The following NIPAL2 variants were observed in gnomAD, a reference collection of about 807,000 sequenced individuals.
NIPAL2 encodes NIPA-like protein 2.
NIPAL2 carries 43 observed loss-of-function variants against 48.9 expected under a neutral mutation model. The ratio of observed to expected loss-of-function variants is 0.88; its 90% CI spans 0.69 to 1.13. NIPAL2 has a LOEUF of 1.13. Ranked by LOEUF, NIPAL2 falls within the 50% of genes most tolerant of loss-of-function variation. NIPAL2 has a pLI of 0.00. For missense variants in NIPAL2, 446 were observed against 461.4 expected (o/e 0.97, Z 0.31); for synonymous variants, 167 against 174.6 (o/e 0.96, Z 0.34).
intron 2 of NIPAL2, 118 bp downstream of exon 2, chr8:98,253,900 AT>A: frequency 3.4e-6 from 2 of 591,918 alleles, no homozygotes; most frequent in Non-Finnish European, 5.9e-6. Flanking sequence ...TAAAATATAT[AT>A]TTTTTATAAT....
intron 4 of NIPAL2, among the ~76,000 whole-genome samples, chr8:98,229,957 T>C (rs775666264): frequency 2.0e-5 from 3 of 152,318 alleles, no homozygotes; most frequent in Non-Finnish European, 2.9e-5. Context: ...ATAATATGAA[T>C]ACTATATAAT....
intron 3 of NIPAL2, among the ~76,000 whole-genome samples, chr8:98,249,632 A>T (rs1258348028): frequency 6.8e-6 from 1 of 147,762 alleles, no homozygotes; most frequent in East Asian, 1.9e-4. Context: ...AACATAATAC[A>T]ATTTAATATA....
chr8:98,203,347 T>C, intron 7 of NIPAL2, 151 bp from the exon 8 acceptor site: 1 of 644,882 alleles, frequency 1.6e-6, no homozygotes, highest in Admixed American at 2.5e-5. Context: ...AGTCATAGCT[T>C]ATATGCATCT....
At chr8:98,208,394 T>C (rs1811142961) in intron 6 of NIPAL2, among the ~76,000 whole-genome samples, 1 of 152,124 alleles carries the variant, frequency 6.6e-6, no homozygotes, top group Admixed American at 6.6e-5. Flanking sequence ...AAGCATTCCA[T>C]GGATAGAGAA....
intron 4 of NIPAL2, among the ~76,000 whole-genome samples, chr8:98,229,568 G>T (rs1406069514): frequency 6.6e-6 from 1 of 152,058 alleles, no homozygotes; most frequent in Non-Finnish European, 1.5e-5. Flanking sequence ...TGCAGAGATA[G>T]GGTCTGGCCA....
chr8:98,212,474 G>A lies in NIPAL2; in HGVS notation c.586C>T (p.Leu196Phe). 7.2e-6 allele frequency: 11 copies of A among 1,529,454 alleles called. No individual in the cohort carries two copies. Among genetic ancestry groups the A allele is most frequent in the Non-Finnish European group, 9.1e-6 (10 of 1,104,068 alleles). The allele number at this position is 1,529,454 out of a possible 1,614,324, so 94.7% of individuals were successfully genotyped here. The change falls in exon 6 of 11, where the codon CTC becomes TTC. Residue 196 changes from leucine to phenylalanine, a missense_variant. Transcript: ENST00000430223. ...CCTTTTCTTTTATAGAAATACAGGA[G>A]AATGCAGAAAATTAATATTTCTAAA... is the stretch of plus-strand genomic sequence containing the variant. ...VILEILIFCI[L>F]LYFYKRKGMK...
intron 1 of NIPAL2, among the ~76,000 whole-genome samples, chr8:98,268,673 G>C (rs917927027): frequency 5.3e-5 from 8 of 150,812 alleles, no homozygotes; most frequent in Admixed American, 5.3e-4. Context: ...AATAAAGTAG[G>C]AATGAGCAAA....
chr8:98,252,828 A>G (rs1329743570), intron 2 of NIPAL2, among the ~76,000 whole-genome samples, 194 bp from the exon 3 acceptor site: 1 of 152,148 alleles, frequency 6.6e-6, no homozygotes, highest in Non-Finnish European at 1.5e-5. Flanking sequence ...GATTTGTATA[A>G]ACAAATATAG....
chr8:98,252,689 C>T, intron 2 of NIPAL2, 55 bp from the exon 3 acceptor site: 1 of 1,468,694 alleles, frequency 6.8e-7, no homozygotes, highest in South Asian at 1.4e-5. Context: ...GAGGGGAATG[C>T]CACTTTTTTT....
chr8:98,232,765 A>G (rs915922068), intron 4 of NIPAL2, among the ~76,000 whole-genome samples: 3 of 152,292 alleles, frequency 2.0e-5, no homozygotes, highest in South Asian at 4.1e-4. Flanking sequence ...TACTATAGCT[A>G]TACCAGATTG....
At position 98,280,736 on chromosome 8, in the gene NIPAL2, C is replaced by CTA. The variant is rs71572005; in HGVS notation, c.135+13265_135+13266dup. Among the ~76,000 whole-genome samples, 339 of 39,010 alleles carry CTA rather than the reference C, an allele frequency of 8.7e-3. 8 individuals carry two copies. The highest frequency in any genetic ancestry group is 0.032 in the Middle Eastern group (2 of 62). The allele number at this position is 39,010 out of a possible 152,430, so 25.6% of individuals were successfully genotyped here. On this transcript the variant is annotated intron_variant, in intron 1 of 10. Coordinates refer to ENST00000430223, the MANE Select transcript of NIPAL2 (RefSeq NM_001321635.2). ...CCTCTGACTTTCAAATAGTCCATTACTATATATATATATATATATATATAT... is the reference window on the plus strand; with the variant it reads ...CCTCTGACTTTCAAATAGTCCATTACTATATATATATATATATATATATATAT...
At chr8:98,266,183 G>A (rs901378905) in intron 1 of NIPAL2, among the ~76,000 whole-genome samples, 2 of 149,782 alleles carry the variant, frequency 1.3e-5, no homozygotes, top group African/African-American at 4.9e-5. Flanking sequence ...CCTAATGCTA[G>A]ATGGCAACTT....
intron 3 of NIPAL2, among the ~76,000 whole-genome samples, chr8:98,247,500 G>A (rs917461282): frequency 1.3e-5 from 2 of 152,206 alleles, no homozygotes; most frequent in Non-Finnish European, 2.9e-5. Flanking sequence ...AATGCAGAGA[G>A]TCTCCACATC....
chr8:98,195,786 A>G (rs1810514287), intron 9 of NIPAL2, 156 bp downstream of exon 9: 2 of 546,708 alleles, frequency 3.7e-6, no homozygotes, highest in Admixed American at 7.4e-5. Context: ...AGCCCTGTTT[A>G]GGGCCTTAAG....
intron 1 of NIPAL2, among the ~76,000 whole-genome samples, chr8:98,287,760 T>C (rs1816260764): frequency 6.6e-6 from 1 of 152,088 alleles, no homozygotes; most frequent in African/African-American, 2.4e-5. Context: ...AGCCGAGAAA[T>C]GGAGAAATTG....
chr8:98,256,662 A>C (rs1268109580), intron 1 of NIPAL2, among the ~76,000 whole-genome samples: 1 of 152,178 alleles, frequency 6.6e-6, no homozygotes, highest in Non-Finnish European at 1.5e-5. Context: ...AGTGTTAGCA[A>C]AGATGGGGAG....
chr8:98,209,835 A>G (rs1411118743), intron 6 of NIPAL2, among the ~76,000 whole-genome samples: 1 of 152,190 alleles, frequency 6.6e-6, no homozygotes, highest in Non-Finnish European at 1.5e-5. Context: ...AATAGTTGCA[A>G]CAGCATCAGA....
At chr8:98,261,528 G>A (rs2130852932) in intron 1 of NIPAL2, among the ~76,000 whole-genome samples, 1 of 141,020 alleles carries the variant, frequency 7.1e-6, no homozygotes, top group East Asian at 2.1e-4. Flanking sequence ...AAGGGTATCA[G>A]CAATGGAAGA....
chr8:98,203,288 AC>A, intron 7 of NIPAL2, 92 bp from the exon 8 acceptor site: 2 of 912,622 alleles, frequency 2.2e-6, no homozygotes, highest in Non-Finnish European at 3.6e-6. Context: ...TTCTTTAGCT[AC>A]AACTACAAAG....
Sources: allele counts gnomAD v4.1 joint callset (sites outside exome capture counted in the v4.1 genomes callset), GRCh38; gene constraint gnomAD v4.1.1; transcripts MANE v1.5; gene names NCBI Gene and HGNC (gene_info 2026-07-23, HGNC 2026-07-21).